The following ZNF607 variants were observed in gnomAD, a reference collection of about 807,000 sequenced individuals.
The protein encoded by ZNF607 is zinc finger protein 607.
ZNF607 carries 5 observed loss-of-function variants against 12.8 expected under a neutral mutation model. That is an observed-to-expected ratio of 0.39 (90% CI 0.20 to 0.82). The LOEUF (loss-of-function observed/expected upper bound fraction) is 0.82. ZNF607 is among the 40% of genes least tolerant of loss of function. The pLI, the probability that ZNF607 is intolerant of heterozygous loss-of-function variation, is 0.39. For missense variants in ZNF607, 851 were observed against 859.2 expected (o/e 0.99, Z 0.12); for synonymous variants, 287 against 276.2 (o/e 1.04, Z -0.39).
chr19:37,713,684 C>G (rs2045150529), intron 1 of ZNF607, among the ~76,000 whole-genome samples: 1 of 151,976 alleles, frequency 6.6e-6, no homozygotes, highest in Non-Finnish European at 1.5e-5. Context: ...CGTGATCTGC[C>G]AGCCTCAGCC....
Position 37,699,901 on chromosome 19 carries a change from A to G in ZNF607, c.236-6T>C, listed in dbSNP as rs2045024330. On this transcript the variant is annotated splice_region_variant and splice_polypyrimidine_tract_variant and intron_variant, in intron 4 of 4. Transcript: ENST00000355202. ...TTCACATCTTGAATCCAAATCTAGAAGACATAAAATAAAAACATTTTATTG... is the reference window on the plus strand; with the variant it reads ...TTCACATCTTGAATCCAAATCTAGAGGACATAAAATAAAAACATTTTATTG... 1.3e-6 allele frequency: 2 copies of G among 1,559,428 alleles called. No individual in the cohort carries two copies. Among genetic ancestry groups the G allele is most frequent in the Admixed American group, 2.0e-5 (1 of 48,816 alleles).
chr19:37,699,455 C>A lies in ZNF607; in HGVS notation c.676G>T (p.Glu226Ter). The change falls in exon 5 of 5, where the codon GAA (glutamate) becomes TAA (stop). Residue 226 changes from glutamate (E) to a stop codon, truncating the protein, a stop_gained. Transcript: ENST00000355202. LOFTEE classifies it low-confidence loss of function (END_TRUNC). Reference protein sequence around the residue: ...HRFHYGEKPYECKECGKAFSV... With the variant: ...HRFHYGEKPY ...AAGGCCTTGCCACATTCCTTACATT[C>A]GTAGGGTTTCTCACCATAATGAAAT... 3.7e-6 allele frequency: 6 copies of A among 1,613,980 alleles called. No homozygotes were observed. The highest frequency in any genetic ancestry group is 5.1e-6 in the Non-Finnish European group (6 of 1,179,920).
Position 37,696,778 on chromosome 19 carries a change from G to A in ZNF607, c.*1262C>T. ...CAGTGAGTTGGCGATCAGCTCAGCTGCCTTGGAGTCACCCTCAGCAGAGAT... is the reference window on the plus strand; with the variant it reads ...CAGTGAGTTGGCGATCAGCTCAGCTACCTTGGAGTCACCCTCAGCAGAGAT... On this transcript the variant is annotated 3_prime_UTR_variant, in exon 5 of 5. Transcript: ENST00000355202. The A allele has an allele frequency of 7.4e-7, 1 of 1,347,738 alleles. No homozygotes were observed. Among genetic ancestry groups the A allele is most frequent in the Non-Finnish European group, 1.1e-6 (1 of 945,530 alleles). The allele number at this position is 1,347,738 out of a possible 1,614,324, so 83.5% of individuals were successfully genotyped here.
rs2045012612 is a variant in ZNF607, at chr19:37,699,114, ACATT to A, written c.1013_1016del (p.Glu338ValfsTer186). On this transcript the variant is annotated frameshift_variant, in exon 5 of 5. Transcript: ENST00000355202. LOFTEE classifies it low-confidence loss of function (END_TRUNC). ...TACTAAAAGCCTCCCCATTTTCTTTACATTCATAGTGTTTCTCCCCTGAATAAAT... is the reference window on the plus strand; with the variant it reads ...TACTAAAAGCCTCCCCATTTTCTTTACATAGTGTTTCTCCCCTGAATAAAT... The A allele has an allele frequency of 1.2e-6, 2 of 1,614,166 alleles. No individual in the cohort carries two copies. The highest frequency in any genetic ancestry group is 1.7e-6 in the Non-Finnish European group (2 of 1,180,018).
At position 37,699,148 on chromosome 19, in the gene ZNF607, T is replaced by C. The variant is rs754453685; in HGVS notation, c.983A>G (p.Gln328Arg). ...GTGTTTCTCCCCTGAATAAATTCTC[T>C]GATGCATGGTAAGTTGATACCTACA... ...FTCRYQLTMH[Q>R]RIYSGEKHYE... The change falls in exon 5 of 5, where the codon CAG (glutamine) becomes CGG (arginine). Residue 328 changes from glutamine (Q) to arginine (R), a missense_variant. Coordinates refer to ENST00000355202, the MANE Select transcript of ZNF607 (RefSeq NM_032689.5). 6 of 1,614,228 alleles carry C rather than the reference T, an allele frequency of 3.7e-6. 1 individual carries two copies. In the South Asian group the frequency reaches 6.6e-5, roughly 18 times the overall value.
chr19:37,717,195 T>A (rs576853189), intron 1 of ZNF607, among the ~76,000 whole-genome samples: 72 of 152,308 alleles, frequency 4.7e-4, no homozygotes, highest in African/African-American at 1.5e-3. Context: ...TTTTAAATTT[T>A]ATTTTTTTGA....
In ZNF607 at chr19:37,699,516, A is replaced by G; in HGVS notation, c.615T>C (p.Ala205=). 1 of 1,613,908 alleles carries G rather than the reference A, an allele frequency of 6.2e-7. No homozygotes were observed. The highest frequency in any genetic ancestry group is 8.5e-7 in the Non-Finnish European group (1 of 1,179,908). Residue 205 remains alanine, a synonymous_variant, in exon 5 of 5, where the codon GCT becomes GCC. Coordinates refer to ENST00000355202, the MANE Select transcript of ZNF607 (RefSeq NM_032689.5). The part of the protein sequence containing the change: ...KPYECKECGE[A]FRTSRQLTVH... ...CAGTAAGTTGACGGCTAGTCCTAAA[A>G]GCTTCCCCACACTCTTTACATTCAT...
chr19:37,711,509 G>A (rs2045132337), intron 2 of ZNF607, 101 bp downstream of exon 2: 4 of 1,184,930 alleles, frequency 3.4e-6, no homozygotes, highest in Non-Finnish European at 3.8e-6. Context: ...GGTTAACTGA[G>A]CACCGTCTCA....
chr19:37,698,131 T>G lies in ZNF607; in HGVS notation c.2000A>C (p.His667Pro). 1 of 1,614,174 alleles carries G rather than the reference T, an allele frequency of 6.2e-7. No homozygotes were observed. Among genetic ancestry groups the G allele is most frequent in the Admixed American group, 1.7e-5 (1 of 60,032 alleles). ...SHELSIHHRVHTGEKPFKCNK... is the reference protein window; with the variant it reads ...SHELSIHHRVPTGEKPFKCNK... The stretch of plus-strand genomic sequence containing the variant: ...ACATTTAAAGGGTTTCTCACCAGTA[T>G]GAACTCTATGATGTATACTAAGTTC... The change falls in exon 5 of 5, where the codon CAT (histidine) becomes CCT (proline). Residue 667 changes from histidine to proline, a missense_variant. Physicochemically the swap from His to Pro is moderately conservative, Grantham distance 77. Transcript: ENST00000355202.
rs993442679 is a variant in ZNF607 at position 37,719,751 on chromosome 19, T to C, written c.-557A>G. On this transcript the variant is annotated 5_prime_UTR_variant, in exon 1 of 5. Transcript: ENST00000355202. The stretch of plus-strand genomic sequence containing the variant: ...CCACCGCTCGAGCCCCGGAGACTTC[T>C]GGGAGTGGCCGCCTTGCCTCGAGTG... The C allele has an allele frequency of 9.2e-5, 14 of 152,314 alleles. No individual in the cohort carries two copies. Among genetic ancestry groups the C allele is most frequent in the Admixed American group, 6.5e-4 (10 of 15,282 alleles). 9.4% of individuals were successfully genotyped at this position (152,314 alleles called of 1,614,324 possible).
chr19:37,705,417 C>G (rs2045073049), intron 4 of ZNF607, among the ~76,000 whole-genome samples: 1 of 152,174 alleles, frequency 6.6e-6, no homozygotes, highest in African/African-American at 2.4e-5. Flanking sequence ...CAGGGCCGGG[C>G]ATGGTGGCTC....
chr19:37,703,361 A>G (rs1352887782), intron 4 of ZNF607, among the ~76,000 whole-genome samples: 1 of 152,200 alleles, frequency 6.6e-6, no homozygotes, highest in Non-Finnish European at 1.5e-5. Flanking sequence ...GTAGACCTAA[A>G]TGTAATCATG....
chr19:37,701,646 C>T (rs944006750), intron 4 of ZNF607, among the ~76,000 whole-genome samples: 7 of 152,164 alleles, frequency 4.6e-5, no homozygotes, highest in Admixed American at 2.0e-4. Flanking sequence ...TATACAAGTA[C>T]CTTACCTTGC....
intron 1 of ZNF607, among the ~76,000 whole-genome samples, chr19:37,714,276 C>T (rs1378409913): frequency 6.6e-6 from 1 of 150,432 alleles, no homozygotes. Context: ...GAGCCAAGAT[C>T]GCGCCACTGC....
Position 37,698,402 on chromosome 19 carries a change from T to C in ZNF607, c.1729A>G (p.Ile577Val), listed in dbSNP as rs572915679. 41 of 1,614,184 alleles carry C rather than the reference T, an allele frequency of 2.5e-5. No homozygotes were observed. In the South Asian group the frequency reaches 3.2e-4, roughly 13 times the overall value. The change falls in exon 5 of 5, where the codon ATA (isoleucine) becomes GTA (valine). Residue 577 changes from isoleucine to valine, a missense_variant. Transcript: ENST00000355202. ...GKAFRHATSL[I>V]YHDRTHAGEK... ...CCAGCATGAGTTCGGTCATGATATA[T>C]GAGGCTTGTGGCATGACGAAAGGCC...
rs577064290 is a variant in ZNF607 at position 37,710,908 on chromosome 19, T to C, written c.9+702A>G. Among the ~76,000 whole-genome samples the C allele has an allele frequency of 3.9e-5, 6 of 152,310 alleles. No homozygotes were observed. The East Asian group carries it at 9.6e-4, about 24-fold the overall frequency. ...TTCCTGTGACCTCGTGGTGCAACAA[T>C]AGCGCATCTGACTCACGCATCTGAC... On this transcript the variant is annotated intron_variant, in intron 2 of 4. Transcript: ENST00000355202.
intron 3 of ZNF607, among the ~76,000 whole-genome samples, chr19:37,708,956 T>C (rs1002288430): frequency 6.6e-6 from 1 of 152,030 alleles, no homozygotes; most frequent in African/African-American, 2.4e-5. Context: ...ACTTATAAAA[T>C]TGGGAAAACA....
intron 1 of ZNF607, among the ~76,000 whole-genome samples, chr19:37,714,340 A>AGCAGCAGCAG: frequency 6.7e-6 from 1 of 148,332 alleles, no homozygotes; most frequent in African/African-American, 2.5e-5. Context: ...AACAACAACA[A>AGCAGCAGCAG]CAGCAGCAGC....
At position 37,698,882 on chromosome 19, in the gene ZNF607, C is replaced by T. The variant is rs200611581; in HGVS notation, c.1249G>A (p.Gly417Ser). Reference sequence around the variant, plus strand: ...TCCTTACATTTGTAGGGTTTCTCACCGGTATGAATATTTTGATGTATTTTA... The same window carrying T: ...TCCTTACATTTGTAGGGTTTCTCACTGGTATGAATATTTTGATGTATTTTA... ...SLKIHQNIHT[G>S]EKPYKCKECG... Residue 417 changes from glycine to serine, a missense_variant, in exon 5 of 5, where the codon GGT becomes AGT. Transcript: ENST00000355202. 67 of 1,613,948 alleles carry T rather than the reference C, an allele frequency of 4.2e-5. No homozygotes were observed. Among genetic ancestry groups the T allele is most frequent in the Middle Eastern group, 1.6e-4 (1 of 6,062 alleles).
Sources: gnomAD v4.1 joint callset for allele counts (sites outside exome capture counted in the v4.1 genomes callset) on GRCh38, gnomAD v4.1.1 for gene constraint, MANE v1.5 for transcripts, NCBI Gene and HGNC (gene_info 2026-07-23, HGNC 2026-07-21) for gene names.